HS3ST4: variants seen among roughly 807,000 people sequenced by gnomAD.
HS3ST4 encodes the protein heparan sulfate-glucosamine 3-sulfotransferase 4.
HS3ST4 carries 17 observed loss-of-function variants against 29.2 expected under a neutral mutation model. That is an observed-to-expected ratio of 0.58 (90% CI 0.40 to 0.87). HS3ST4 has a LOEUF of 0.87. HS3ST4 is among the 40% of genes least tolerant of loss of function. The probability of loss-of-function intolerance (pLI) is 0.00; values close to 1 mark genes in which losing one functional copy is unlikely to be tolerated. For synonymous variants in HS3ST4, 314 were observed against 285.7 expected (o/e 1.10, Z -1.00); for missense variants, 627 against 634.5 (o/e 0.99, Z 0.13).
intron 1 of HS3ST4, among the ~76,000 whole-genome samples, chr16:25,841,746 G>A (rs1478554529): frequency 6.6e-6 from 1 of 152,144 alleles, no homozygotes; most frequent in African/African-American, 2.4e-5. Flanking sequence ...AGTTTCCAAT[G>A]AATATGGCAT....
chr16:25,836,639 C>T (rs762173009), intron 1 of HS3ST4, among the ~76,000 whole-genome samples: 6 of 152,174 alleles, frequency 3.9e-5, no homozygotes, highest in Non-Finnish European at 7.3e-5. Flanking sequence ...AGAGCTTGAA[C>T]TGGCTGCTTA....
At chr16:26,102,806 G>A (rs1048549188) in intron 1 of HS3ST4, among the ~76,000 whole-genome samples, 28 of 152,188 alleles carry the variant, frequency 1.8e-4, no homozygotes, top group Non-Finnish European at 3.7e-4. Context: ...TGAAATAGGA[G>A]TTTCCTTTTT....
At chr16:25,695,249 C>T (rs1194677040) in intron 1 of HS3ST4, among the ~76,000 whole-genome samples, 1 of 152,178 alleles carries the variant, frequency 6.6e-6, no homozygotes, top group Non-Finnish European at 1.5e-5. Flanking sequence ...CTTAAGGGGA[C>T]CATGTGGTAT....
chr16:26,115,018 C>T (rs1306538734), intron 1 of HS3ST4, among the ~76,000 whole-genome samples: 1 of 152,010 alleles, frequency 6.6e-6, no homozygotes, highest in Non-Finnish European at 1.5e-5. Flanking sequence ...CAATGGTTTG[C>T]AATATACCAT....
intron 1 of HS3ST4, among the ~76,000 whole-genome samples, chr16:26,111,862 C>T (rs968631729): frequency 1.3e-5 from 2 of 151,996 alleles, no homozygotes; most frequent in Non-Finnish European, 1.5e-5. Context: ...ATTAAAAATA[C>T]AGAAATTAGC....
chr16:25,787,952 G>A (rs1238627662), intron 1 of HS3ST4, among the ~76,000 whole-genome samples: 1 of 152,176 alleles, frequency 6.6e-6, no homozygotes, highest in Non-Finnish European at 1.5e-5. Context: ...AATGCATTGT[G>A]TACGTCATAG....
Position 25,795,213 on chromosome 16 carries a change from C to T in HS3ST4, c.734+102062C>T, listed in dbSNP as rs142118742. Among the ~76,000 whole-genome samples the T allele has an allele frequency of 4.9e-3, 747 of 152,150 alleles. 8 individuals are homozygous for T. The highest frequency in any genetic ancestry group is 0.022 in the South Asian group (104 of 4,814). ...GTCTTGAATTCCTGACCTCGTGATC[C>T]GCCTGCCTAGGCCTCCCAAAGTGCT... On this transcript the variant is annotated intron_variant, in intron 1 of 1. Transcript: ENST00000331351.
chr16:26,104,156 C>T (rs1411215214), intron 1 of HS3ST4, among the ~76,000 whole-genome samples: 4 of 152,094 alleles, frequency 2.6e-5, no homozygotes, highest in Admixed American at 6.5e-5. Flanking sequence ...GTTAGTCTTT[C>T]GTAGACCTCA....
At chr16:25,888,581 G>A (rs1165128335) in intron 1 of HS3ST4, among the ~76,000 whole-genome samples, 1 of 152,226 alleles carries the variant, frequency 6.6e-6, no homozygotes, top group Non-Finnish European at 1.5e-5. Flanking sequence ...CTCTCACTGA[G>A]GGCAGGGTGC....
chr16:25,741,582 T>C (rs1966653726), intron 1 of HS3ST4, among the ~76,000 whole-genome samples: 1 of 152,116 alleles, frequency 6.6e-6, no homozygotes, highest in Admixed American at 6.6e-5. Context: ...ATAAAACCCT[T>C]TTGTCTGCAG....
At position 25,692,472 on chromosome 16, in the gene HS3ST4, G is replaced by C. The variant is rs1404429317; in HGVS notation, c.55G>C (p.Ala19Pro). 2 of 1,363,174 alleles carry C rather than the reference G, an allele frequency of 1.5e-6. No individual in the cohort carries two copies. Among genetic ancestry groups the C allele is most frequent in the South Asian group, 1.5e-5 (1 of 65,366 alleles). The allele number at this position is 1,363,174 out of a possible 1,614,324, so 84.4% of individuals were successfully genotyped here. The change falls in exon 1 of 2, where the codon GCG (alanine) becomes CCG (proline). Residue 19 changes from alanine (A) to proline (P), a missense_variant. Ala to Pro is a conservative substitution (Grantham distance 27). Coordinates refer to ENST00000331351, the MANE Select transcript of HS3ST4 (RefSeq NM_006040.3). ...TCCGCCTCCGCCTCCACCTCTGGCC[G>C]CGCCGCCGCCGCCCGGCGCCTCTGC... ...PPPPPPPPLAAPPPPGASAKG... is the reference protein window; with the variant it reads ...PPPPPPPPLAPPPPPGASAKG...
At chr16:25,969,166 A>G (rs1968872852) in intron 1 of HS3ST4, among the ~76,000 whole-genome samples, 1 of 152,198 alleles carries the variant, frequency 6.6e-6, no homozygotes, top group Non-Finnish European at 1.5e-5. Context: ...TACTACTGCT[A>G]TCCACTATGT....
chr16:26,123,938 C>CT (rs35745665), intron 1 of HS3ST4, among the ~76,000 whole-genome samples: 8,260 of 146,242 alleles, frequency 0.056, 722 homozygotes, highest in African/African-American at 0.19. Context: ...TGTTTTGAGA[C>CT]TTTTTTTTTT....
Position 25,960,291 on chromosome 16 carries a change from G to A in HS3ST4, c.735-175321G>A, listed in dbSNP as rs533294861. 4.6e-5 allele frequency among the ~76,000 whole-genome samples: 7 copies of A among 152,272 alleles called. No homozygotes were observed. In the South Asian group the frequency reaches 1.5e-3, roughly 32 times the overall value. On this transcript the variant is annotated intron_variant, in intron 1 of 1. Coordinates refer to ENST00000331351, the MANE Select transcript of HS3ST4 (RefSeq NM_006040.3). ...TGTGGGTACCATGCTTGTACAGTCT[G>A]CAGAACTGTGAGCCAAATAAACCTC...
Position 25,911,238 on chromosome 16 carries a change from T to C in HS3ST4, c.734+218087T>C, listed in dbSNP as rs377392363. On this transcript the variant is annotated intron_variant, in intron 1 of 1. Transcript: ENST00000331351. ...TTATGCCTGATATTACCTTAAGCTG[T>C]CACAAAAGTGGGCCCCCTTAGAGAG... Among the ~76,000 whole-genome samples the C allele has an allele frequency of 3.2e-3, 484 of 152,214 alleles. 4 individuals are homozygous for C. The highest frequency in any genetic ancestry group is 0.013 in the South Asian group (65 of 4,822).
At chr16:25,784,894 A>G (rs937592539) in intron 1 of HS3ST4, among the ~76,000 whole-genome samples, 2 of 152,242 alleles carry the variant, frequency 1.3e-5, no homozygotes, top group Non-Finnish European at 2.9e-5. Context: ...TTTCAGGGCT[A>G]GAGAGGAGAA....
At chr16:26,122,179 C>CA (rs200699173) in intron 1 of HS3ST4, among the ~76,000 whole-genome samples, 40,253 of 101,142 alleles carry the variant, frequency 0.4, 6,435 homozygotes, top group East Asian at 0.5. Flanking sequence ...ATAAACTAAG[C>CA]AAAAAAAAAA....
intron 1 of HS3ST4, among the ~76,000 whole-genome samples, chr16:25,838,948 T>A (rs562878649): frequency 1.3e-5 from 2 of 152,264 alleles, no homozygotes; most frequent in African/African-American, 4.8e-5. Context: ...ATCAAATCGG[T>A]CTTGGCACTG....
chr16:25,738,451 CA>C (rs1966627271), intron 1 of HS3ST4, among the ~76,000 whole-genome samples: 1 of 152,152 alleles, frequency 6.6e-6, no homozygotes, highest in Non-Finnish European at 1.5e-5. Context: ...GGTTCTCGAA[CA>C]GGGAGTTATT....
Sources: gnomAD v4.1 joint callset for allele counts (sites outside exome capture counted in the v4.1 genomes callset) on GRCh38, gnomAD v4.1.1 for gene constraint, MANE v1.5 for transcripts, NCBI Gene and HGNC (gene_info 2026-07-23, HGNC 2026-07-21) for gene names.